The following RABGAP1L variants were observed in gnomAD, a reference collection of about 807,000 sequenced individuals.
The protein encoded by RABGAP1L is rab GTPase-activating protein 1-like.
A neutral mutation model predicts 137.7 loss-of-function variants in RABGAP1L; 63 were observed. That is an observed-to-expected ratio of 0.46 (90% CI 0.37 to 0.56). RABGAP1L has a LOEUF of 0.56. Ranked by LOEUF, RABGAP1L falls within the 20% of genes least tolerant of loss-of-function variation. RABGAP1L has a pLI of 0.00. For missense variants in RABGAP1L, 1,095 were observed against 1,244.0 expected (o/e 0.88, Z 1.80); for synonymous variants, 431 against 433.7 (o/e 0.99, Z 0.08).
intron 15 of RABGAP1L, among the ~76,000 whole-genome samples, chr1:174,691,551 A>G (rs544645350): frequency 2.0e-5 from 3 of 152,200 alleles, no homozygotes; most frequent in African/African-American, 2.4e-5. Context: ...GCCATGGATG[A>G]TATTTTGATA....
At chr1:174,450,893 A>G (rs949612532) in intron 13 of RABGAP1L, among the ~76,000 whole-genome samples, 2 of 152,158 alleles carry the variant, frequency 1.3e-5, no homozygotes, top group African/African-American at 4.8e-5. Flanking sequence ...GAAGCCAACC[A>G]TGTTTGCACC....
chr1:174,623,847 G>A (rs1432614938), intron 13 of RABGAP1L, among the ~76,000 whole-genome samples: 1 of 152,142 alleles, frequency 6.6e-6, no homozygotes, highest in Non-Finnish European at 1.5e-5. Flanking sequence ...TGTTCCATGG[G>A]CTAGAAGTCA....
In RABGAP1L at chr1:174,761,466, G is replaced by T. The variant is rs904285377; in HGVS notation, c.2211+9112G>T. The stretch of plus-strand genomic sequence containing the variant: ...CAGACGGTGCAGCCGCCAGGCAGAG[G>T]TGCTCCTCACTTCCCAGACAATGCA... On this transcript the variant is annotated intron_variant, in intron 18 of 25. Coordinates refer to ENST00000681986, the MANE Select transcript of RABGAP1L (RefSeq NM_001366446.1). The surrounding 1 kb of genome is among the most constrained non-coding windows in gnomAD (Gnocchi z 4.0). Among the ~76,000 whole-genome samples, 2 of 151,996 alleles carry T rather than the reference G, an allele frequency of 1.3e-5. No homozygotes were observed. Among genetic ancestry groups the T allele is most frequent in the Non-Finnish European group, 2.9e-5 (2 of 67,988 alleles).
chr1:174,377,801 A>G (rs888729532), intron 12 of RABGAP1L, among the ~76,000 whole-genome samples: 2 of 147,820 alleles, frequency 1.4e-5, no homozygotes, highest in East Asian at 2.0e-4. Context: ...ATTTTTTATT[A>G]TACTTTAAGT....
chr1:174,576,758 T>C (rs1230891438), intron 13 of RABGAP1L, among the ~76,000 whole-genome samples: 1 of 152,226 alleles, frequency 6.6e-6, no homozygotes, highest in Non-Finnish European at 1.5e-5. Flanking sequence ...TTTAACATCC[T>C]ATGATTCACT....
intron 13 of RABGAP1L, among the ~76,000 whole-genome samples, chr1:174,470,823 G>C (rs1306305399): frequency 7.2e-5 from 11 of 152,052 alleles, no homozygotes; most frequent in Non-Finnish European, 1.0e-4. Flanking sequence ...TTAGAGAACA[G>C]ACCATACCAA....
At chr1:174,698,438 G>A (rs1371116982) in intron 15 of RABGAP1L, among the ~76,000 whole-genome samples, 1 of 152,108 alleles carries the variant, frequency 6.6e-6, no homozygotes, top group Admixed American at 6.6e-5. Context: ...AACGCAGGGA[G>A]GATAGTCTCA....
chr1:174,773,662 T>C lies in RABGAP1L; in HGVS notation c.2211+21308T>C, dbSNP rs149494708. On this transcript the variant is annotated intron_variant, in intron 18 of 25. Transcript: ENST00000681986. Reference sequence around the variant, plus strand: ...ATTGCTATATGAACAAATAATTGAATTTAGGCTAATGAAAATGAACTCACT... The same window carrying C: ...ATTGCTATATGAACAAATAATTGAACTTAGGCTAATGAAAATGAACTCACT... 8.3e-3 allele frequency among the ~76,000 whole-genome samples: 1,267 copies of C among 152,360 alleles called. 6 individuals are homozygous for C. The highest frequency in any genetic ancestry group is 0.034 in the Middle Eastern group (10 of 294).
At position 174,502,576 on chromosome 1, in the gene RABGAP1L, G is replaced by GTGTATA. The variant is rs1553316733; in HGVS notation, c.1710+108432_1710+108433insGTATAT. Reference sequence around the variant, plus strand: ...GAGATAATGCAGAAGAAAGTACACGGTATATATATATATATATATATGTAC... The same window carrying GTGTATA: ...GAGATAATGCAGAAGAAAGTACACGGTGTATATATATATATATATATATATATGTAC... On this transcript the variant is annotated intron_variant, in intron 13 of 25. Coordinates refer to ENST00000681986, the MANE Select transcript of RABGAP1L (RefSeq NM_001366446.1). 4.5e-4 allele frequency among the ~76,000 whole-genome samples: 58 copies of GTGTATA among 129,066 alleles called. 1 individual carries two copies. The highest frequency in any genetic ancestry group is 1.7e-3 in the African/African-American group (56 of 33,160). The allele number at this position is 129,066 out of a possible 152,430, so 84.7% of individuals were successfully genotyped here.
chr1:174,422,559 C>T (rs1290845592), intron 13 of RABGAP1L, among the ~76,000 whole-genome samples: 1 of 151,942 alleles, frequency 6.6e-6, no homozygotes, highest in Non-Finnish European at 1.5e-5. Flanking sequence ...TAATTCTATC[C>T]CCTTTTATTG....
intron 13 of RABGAP1L, among the ~76,000 whole-genome samples, chr1:174,461,310 G>A (rs1656667171): frequency 6.7e-6 from 1 of 148,466 alleles, no homozygotes; most frequent in Admixed American, 6.6e-5. Context: ...CTGACCCCAG[G>A]CCTGGTATTG....
intron 17 of RABGAP1L, among the ~76,000 whole-genome samples, chr1:174,737,905 G>A (rs910190710): frequency 6.6e-6 from 1 of 152,272 alleles, no homozygotes; most frequent in African/African-American, 2.4e-5. Context: ...CAGATCTTGT[G>A]TGAACTACCA....
intron 18 of RABGAP1L, among the ~76,000 whole-genome samples, chr1:174,782,696 G>A (rs1393285797): frequency 6.6e-6 from 1 of 152,128 alleles, no homozygotes; most frequent in African/African-American, 2.4e-5. Flanking sequence ...TGAGAGACAG[G>A]ACTAAGCTGG....
At chr1:174,344,007 A>G (rs1253258128) in intron 11 of RABGAP1L, among the ~76,000 whole-genome samples, 1 of 152,134 alleles carries the variant, frequency 6.6e-6, no homozygotes, top group African/African-American at 2.4e-5. Context: ...TTCATCCCTG[A>G]CTGACAGCAG....
At chr1:174,782,836 A>C (rs905349802) in intron 18 of RABGAP1L, among the ~76,000 whole-genome samples, 2 of 152,304 alleles carry the variant, frequency 1.3e-5, no homozygotes, top group East Asian at 3.9e-4. Flanking sequence ...CTAAAATGCA[A>C]ATTAGGCTAA....
At chr1:174,404,801 A>T (rs1273193311) in intron 13 of RABGAP1L, among the ~76,000 whole-genome samples, 1 of 152,222 alleles carries the variant, frequency 6.6e-6, no homozygotes, top group South Asian at 2.1e-4. Flanking sequence ...CCTGTATCAG[A>T]CAGCAAAAAG....
chr1:174,915,030 A>G (rs1660632064), intron 19 of RABGAP1L, among the ~76,000 whole-genome samples: 2 of 152,214 alleles, frequency 1.3e-5, no homozygotes, highest in Admixed American at 6.5e-5. Flanking sequence ...TTTTCGTTGC[A>G]TAGTGCATTG....
Position 174,994,320 on chromosome 1 carries a change from A to T in RABGAP1L, c.*4319A>T, listed in dbSNP as rs916029173. 1 of 152,210 alleles carries T rather than the reference A, an allele frequency of 6.6e-6. No individual in the cohort carries two copies. Among genetic ancestry groups the T allele is most frequent in the Admixed American group, 6.5e-5 (1 of 15,286 alleles). 9.4% of individuals were successfully genotyped at this position (152,210 alleles called of 1,614,324 possible). ...TAGTGACTGCAGTCAGCTGTCTGGC[A>T]TTCCTTTCTCAGTTTGCATCTAAAA... is the stretch of plus-strand genomic sequence containing the variant. On this transcript the variant is annotated 3_prime_UTR_variant, in exon 26 of 26. Coordinates refer to ENST00000681986, the MANE Select transcript of RABGAP1L (RefSeq NM_001366446.1).
At chr1:174,789,508 C>T (rs1687696486) in intron 18 of RABGAP1L, among the ~76,000 whole-genome samples, 1 of 151,982 alleles carries the variant, frequency 6.6e-6, no homozygotes, top group Admixed American at 6.6e-5. Flanking sequence ...ACTGCCTTGT[C>T]ATAAGAATGT....
Sources: gnomAD v4.1 joint callset for allele counts (sites outside exome capture counted in the v4.1 genomes callset) on GRCh38, gnomAD v4.1.1 for gene constraint, Gnocchi (gnomAD v3.1) non-coding constraint, MANE v1.5 for transcripts, NCBI Gene and HGNC (gene_info 2026-07-23, HGNC 2026-07-21) for gene names.